Variants in SUCLG2 observed in about 807,000 individuals in gnomAD.
SUCLG2 encodes the protein succinate--CoA ligase [GDP-forming] subunit beta, mitochondrial.
In SUCLG2, 42 loss-of-function variants were observed where a neutral mutation model predicts 47.9. The observed-to-expected ratio is 0.88, with a 90% CI of 0.69 to 1.14. The LOEUF (loss-of-function observed/expected upper bound fraction) is 1.14, where lower values mean the gene tolerates loss of function less well. Among genes scored for constraint, SUCLG2 ranks in the 50% most tolerant of loss-of-function variants. The pLI is 0.00. For synonymous variants in SUCLG2, 195 were observed against 197.3 expected (o/e 0.99, Z 0.10); for missense variants, 571 against 525.9 (o/e 1.09, Z -0.84).
chr3:67,443,234 G>T (rs1334426940), intron 9 of SUCLG2, among the ~76,000 whole-genome samples: 6 of 152,068 alleles, frequency 3.9e-5, no homozygotes, highest in Non-Finnish European at 1.5e-5. Flanking sequence ...CTGCAAGGGA[G>T]TCTGGAACCA....
intron 2 of SUCLG2, among the ~76,000 whole-genome samples, chr3:67,555,037 G>A (rs1707120901): frequency 6.6e-6 from 1 of 152,140 alleles, no homozygotes; most frequent in South Asian, 2.1e-4. Context: ...CAAAACTGAA[G>A]ATGTTGGAGA....
chr3:67,654,167 G>A (rs1351615184), intron 1 of SUCLG2, among the ~76,000 whole-genome samples: 6 of 152,216 alleles, frequency 3.9e-5, no homozygotes, highest in Non-Finnish European at 7.3e-5. Context: ...AAACCTCAGG[G>A]CTCCAAAACC....
intron 9 of SUCLG2, among the ~76,000 whole-genome samples, chr3:67,453,403 G>A (rs189612708): frequency 9.7e-4 from 147 of 152,260 alleles, no homozygotes; most frequent in Non-Finnish European, 1.8e-3. Context: ...GATTACAGGT[G>A]GTGCCACCTT....
At chr3:67,382,095 T>C (rs1201435407) in intron 10 of SUCLG2, among the ~76,000 whole-genome samples, 1 of 152,218 alleles carries the variant, frequency 6.6e-6, no homozygotes, top group Admixed American at 6.5e-5. Flanking sequence ...TTAATAGGAA[T>C]TCAGTTTTTT....
At chr3:67,530,248 T>A (rs1450007476) in intron 2 of SUCLG2, among the ~76,000 whole-genome samples, 1 of 152,160 alleles carries the variant, frequency 6.6e-6, no homozygotes, top group African/African-American at 2.4e-5. Context: ...TCTCTGAAAC[T>A]CGGTTTATTC....
rs560653988 is a variant in SUCLG2 at position 67,429,914 on chromosome 3, G to T, written c.1063-29063C>A. Among the ~76,000 whole-genome samples the T allele has an allele frequency of 3.9e-5, 6 of 152,236 alleles. 1 individual carries two copies. The South Asian group carries it at 1.2e-3, about 32-fold the overall frequency. ...AGAAGAGCTAAGTATCCTAAAAATAGATGCACCCAATACAGGAGCACCCAG... is the reference window on the plus strand; with the variant it reads ...AGAAGAGCTAAGTATCCTAAAAATATATGCACCCAATACAGGAGCACCCAG... On this transcript the variant is annotated intron_variant, in intron 9 of 10. Coordinates refer to ENST00000307227, the MANE Select transcript of SUCLG2 (RefSeq NM_003848.4).
At chr3:67,385,800 C>G (rs931057262) in intron 10 of SUCLG2, among the ~76,000 whole-genome samples, 4 of 152,166 alleles carry the variant, frequency 2.6e-5, no homozygotes, top group African/African-American at 9.7e-5. Context: ...TTATTTCTTA[C>G]TGGGATCAGA....
In SUCLG2 at chr3:67,400,871, G is replaced by T. The variant is rs1417732211; in HGVS notation, c.1063-20C>A. On this transcript the variant is annotated intron_variant, in intron 9 of 10. Coordinates refer to ENST00000307227, the MANE Select transcript of SUCLG2 (RefSeq NM_003848.4). ...TTCAACCTGAAATCAAAAATAAAAA[G>T]TTACCAATCAAAATGCTGATCGCCA... The T allele has an allele frequency of 1.9e-6, 3 of 1,611,390 alleles. No homozygotes were observed. Among genetic ancestry groups the T allele is most frequent in the African/African-American group, 2.7e-5 (2 of 74,750 alleles).
chr3:67,436,329 C>T (rs917547193), intron 9 of SUCLG2, among the ~76,000 whole-genome samples: 1 of 152,170 alleles, frequency 6.6e-6, no homozygotes, highest in Non-Finnish European at 1.5e-5. Flanking sequence ...ACCCATATCA[C>T]AGTGACCCAT....
intron 9 of SUCLG2, among the ~76,000 whole-genome samples, chr3:67,458,119 A>G (rs1213749505): frequency 6.6e-6 from 1 of 152,178 alleles, no homozygotes; most frequent in Non-Finnish European, 1.5e-5. Flanking sequence ...ATGAGGGAAG[A>G]GGCCCGCCTT....
intron 1 of SUCLG2, among the ~76,000 whole-genome samples, chr3:67,642,210 T>C (rs1701113617): frequency 6.6e-6 from 1 of 152,228 alleles, no homozygotes; most frequent in African/African-American, 2.4e-5. Context: ...CATAATTCAG[T>C]GGACCCACGT....
chr3:67,642,951 T>TGTGA (rs1553675855), intron 1 of SUCLG2, among the ~76,000 whole-genome samples: 34 of 141,660 alleles, frequency 2.4e-4, no homozygotes, highest in Admixed American at 2.8e-4. Flanking sequence ...TGTGTGTGTG[T>TGTGA]GAGAGAGATG....
intron 2 of SUCLG2, among the ~76,000 whole-genome samples, chr3:67,573,762 G>A (rs753839212): frequency 4.9e-4 from 74 of 152,106 alleles, no homozygotes; most frequent in Non-Finnish European, 9.1e-4. Context: ...GGCCTGGTGA[G>A]AATCCTTGTT....
intron 2 of SUCLG2, among the ~76,000 whole-genome samples, chr3:67,578,295 C>T (rs1707795730): frequency 6.9e-6 from 1 of 145,558 alleles, no homozygotes; most frequent in African/African-American, 2.5e-5. Context: ...TATATAAAAT[C>T]ATATATATAC....
intron 3 of SUCLG2, 38 bp downstream of exon 3, chr3:67,529,049 T>C: frequency 1.9e-6 from 3 of 1,560,572 alleles, no homozygotes; most frequent in Non-Finnish European, 2.6e-6. Flanking sequence ...CCATAACTGC[T>C]TGGCCAAAAG....
chr3:67,596,183 T>C (rs1440849711), intron 2 of SUCLG2, among the ~76,000 whole-genome samples: 1 of 152,218 alleles, frequency 6.6e-6, no homozygotes, highest in Non-Finnish European at 1.5e-5. Flanking sequence ...ACGGGTTGTC[T>C]ATAGGATCTA....
intron 9 of SUCLG2, among the ~76,000 whole-genome samples, chr3:67,488,510 T>A (rs138297418): frequency 6.2e-4 from 95 of 152,306 alleles, no homozygotes; most frequent in African/African-American, 2.3e-3. Context: ...TTCTGAATGA[T>A]TTTCCTAAGT....
chr3:67,430,512 T>C (rs547548290), intron 9 of SUCLG2, among the ~76,000 whole-genome samples: 3 of 152,136 alleles, frequency 2.0e-5, no homozygotes, highest in South Asian at 4.2e-4. Context: ...AGATCCAAAA[T>C]TGACACCCTA....
At chr3:67,363,567 T>G (rs1207484488) in intron 10 of SUCLG2, among the ~76,000 whole-genome samples, 2 of 152,160 alleles carry the variant, frequency 1.3e-5, no homozygotes, top group African/African-American at 4.8e-5. Context: ...AACAAATCTA[T>G]CCATCTCTCT....
Sources: allele counts gnomAD v4.1 joint callset (sites outside exome capture counted in the v4.1 genomes callset), GRCh38; gene constraint gnomAD v4.1.1; transcripts MANE v1.5; gene names NCBI Gene and HGNC (gene_info 2026-07-23, HGNC 2026-07-21).